The following B3GALT1 variants were observed in gnomAD, a reference collection of about 807,000 sequenced individuals.
The protein encoded by B3GALT1 is UDP-Gal:betaGlcNAc beta 1,3-galactosyltransferase, polypeptide 1.
In B3GALT1, 10 loss-of-function variants were observed where a neutral mutation model predicts 23.2. That is an observed-to-expected ratio of 0.43 (90% CI 0.27 to 0.73). B3GALT1 has a LOEUF of 0.73. B3GALT1 is among the 30% of genes least tolerant of loss of function. B3GALT1 has a pLI of 0.21. For synonymous variants in B3GALT1, 156 were observed against 141.5 expected (o/e 1.10, Z -0.73); for missense variants, 299 against 405.4 (o/e 0.74, Z 2.25).
chr2:167,732,712 T>C (rs1687427813), intron 3 of B3GALT1, among the ~76,000 whole-genome samples: 2 of 152,200 alleles, frequency 1.3e-5, no homozygotes, highest in South Asian at 4.1e-4. Context: ...CAAAGTAAAA[T>C]GTTCTTTAAT....
intron 4 of B3GALT1, among the ~76,000 whole-genome samples, chr2:167,863,885 A>G (rs976101698): frequency 1.3e-5 from 2 of 152,054 alleles, no homozygotes; most frequent in Non-Finnish European, 2.9e-5. Context: ...ACTTGCATTC[A>G]GTATTGTCTA....
intron 2 of B3GALT1, among the ~76,000 whole-genome samples, chr2:167,581,888 A>G (rs979296408): frequency 3.9e-5 from 6 of 152,166 alleles, no homozygotes; most frequent in African/African-American, 1.4e-4. Context: ...ATAAATTTTT[A>G]GGTCTGCTTT....
chr2:167,867,142 G>A (rs537410950), intron 4 of B3GALT1, among the ~76,000 whole-genome samples: 10 of 152,184 alleles, frequency 6.6e-5, no homozygotes, highest in East Asian at 1.9e-4. Context: ...TAGCCAGGAT[G>A]GTCTCGATCT....
In B3GALT1 at chr2:167,871,843, T is replaced by G. The variant is rs995378364; in HGVS notation, c.*1823T>G. ...TTTATTAGAAAACACCTGTTTGTTC[T>G]CAAAGAAAGCCCCACAGCTGAAAGA... On this transcript the variant is annotated 3_prime_UTR_variant, in exon 5 of 5. Coordinates refer to ENST00000392690, the MANE Select transcript of B3GALT1 (RefSeq NM_020981.4). 4.0e-5 allele frequency: 6 copies of G among 149,942 alleles called. No individual in the cohort carries two copies. Among genetic ancestry groups the G allele is most frequent in the African/African-American group, 1.2e-4 (5 of 41,130 alleles). The allele number at this position is 149,942 out of a possible 1,614,324, so 9.3% of individuals were successfully genotyped here.
intron 3 of B3GALT1, among the ~76,000 whole-genome samples, chr2:167,800,296 A>G (rs1688617507): frequency 6.6e-6 from 1 of 152,176 alleles, no homozygotes; most frequent in Non-Finnish European, 1.5e-5. Flanking sequence ...GCATCCTTGT[A>G]TGATGCCTCC....
At chr2:167,867,667 G>C (rs1690261121) in intron 4 of B3GALT1, among the ~76,000 whole-genome samples, 1 of 152,162 alleles carries the variant, frequency 6.6e-6, no homozygotes, top group Non-Finnish European at 1.5e-5. Context: ...GTCTGTACAT[G>C]TAAGCACATG....
chr2:167,824,209 G>A (rs114619899), intron 4 of B3GALT1, among the ~76,000 whole-genome samples: 6 of 152,350 alleles, frequency 3.9e-5, no homozygotes, highest in Non-Finnish European at 5.9e-5. Flanking sequence ...GGGGAAAACT[G>A]CAGCAGGATA....
chr2:167,508,930 T>C (rs1044610376), intron 2 of B3GALT1, among the ~76,000 whole-genome samples: 11 of 152,228 alleles, frequency 7.2e-5, no homozygotes, highest in African/African-American at 2.7e-4. Context: ...AGGAATTTAA[T>C]ATGTTTATTT....
intron 3 of B3GALT1, among the ~76,000 whole-genome samples, chr2:167,703,646 C>T (rs967256868): frequency 3.3e-5 from 5 of 152,132 alleles, no homozygotes; most frequent in African/African-American, 7.2e-5. Context: ...AAAGCAGAAA[C>T]GCTTGGTCAC....
At chr2:167,737,047 G>A (rs921400573) in intron 3 of B3GALT1, among the ~76,000 whole-genome samples, 35 of 150,896 alleles carry the variant, frequency 2.3e-4, no homozygotes, top group African/African-American at 8.5e-4. Context: ...AGGCTTTCAA[G>A]CAATGCAGAT....
chr2:167,394,687 C>A (rs921645311), intron 1 of B3GALT1, among the ~76,000 whole-genome samples: 2 of 152,124 alleles, frequency 1.3e-5, no homozygotes, highest in Non-Finnish European at 2.9e-5. Context: ...ATCCCTGAGG[C>A]ACACTCCACT....
intron 1 of B3GALT1, among the ~76,000 whole-genome samples, chr2:167,359,233 G>A (rs1440206698): frequency 6.6e-6 from 1 of 152,014 alleles, no homozygotes; most frequent in Non-Finnish European, 1.5e-5. Flanking sequence ...TGCCATTAGT[G>A]TCTTCTTTGA....
At chr2:167,674,594 G>C (rs1289596347) in intron 3 of B3GALT1, among the ~76,000 whole-genome samples, 1 of 152,160 alleles carries the variant, frequency 6.6e-6, no homozygotes, top group Non-Finnish European at 1.5e-5. Context: ...GTTCAGAGTT[G>C]TATAGACCCA....
chr2:167,662,432 A>G (rs1686077092), intron 3 of B3GALT1, among the ~76,000 whole-genome samples: 2 of 152,078 alleles, frequency 1.3e-5, no homozygotes, highest in African/African-American at 4.8e-5. Flanking sequence ...CTCCCACATC[A>G]TCAACATCCC....
chr2:167,378,693 G>C (rs544752414), intron 1 of B3GALT1, among the ~76,000 whole-genome samples: 1 of 151,920 alleles, frequency 6.6e-6, no homozygotes, highest in African/African-American at 2.4e-5. Context: ...TTCTTTTAAA[G>C]ATATCTATTT....
intron 4 of B3GALT1, among the ~76,000 whole-genome samples, chr2:167,850,589 C>G (rs1312672716): frequency 2.6e-5 from 4 of 152,186 alleles, no homozygotes; most frequent in African/African-American, 4.8e-5. Flanking sequence ...GATACTTGCA[C>G]ACGCATGTTC....
At chr2:167,552,464 G>A (rs73972288) in intron 2 of B3GALT1, among the ~76,000 whole-genome samples, 12,657 of 152,112 alleles carry the variant, frequency 0.083, 1,010 homozygotes, top group African/African-American at 0.21. Context: ...AAACAACTTA[G>A]TTATACTATA....
intron 3 of B3GALT1, among the ~76,000 whole-genome samples, chr2:167,817,278 G>A (rs778506813): frequency 2.0e-5 from 3 of 152,186 alleles, no homozygotes; most frequent in Non-Finnish European, 2.9e-5. Flanking sequence ...GGATTGTGGA[G>A]ATGATGACAG....
At chr2:167,792,070 T>TAA (rs966288594) in intron 3 of B3GALT1, among the ~76,000 whole-genome samples, 1 of 126,228 alleles carries the variant, frequency 7.9e-6, no homozygotes, top group African/African-American at 3.3e-5. Flanking sequence ...AGTGCAAATC[T>TAA]AAAAAAAAAA....
Sources: gnomAD v4.1 joint callset for allele counts (sites outside exome capture counted in the v4.1 genomes callset) on GRCh38, gnomAD v4.1.1 for gene constraint, MANE v1.5 for transcripts, NCBI Gene and HGNC (gene_info 2026-07-23, HGNC 2026-07-21) for gene names.